Variants in PDCD6IP observed in about 807,000 individuals in gnomAD.
PDCD6IP encodes programmed cell death 6 interacting protein.
A neutral mutation model predicts 103.7 loss-of-function variants in PDCD6IP; 43 were observed. The observed-to-expected ratio is 0.41, with a 90% confidence interval of 0.32 to 0.53. The LOEUF (loss-of-function observed/expected upper bound fraction) is 0.53, where lower values mean the gene tolerates loss of function less well. Ranked by LOEUF, PDCD6IP falls within the 20% of genes least tolerant of loss-of-function variation. The pLI, the probability that PDCD6IP is intolerant of heterozygous loss-of-function variation, is 0.16. For missense variants in PDCD6IP, 871 were observed against 1,036.7 expected (o/e 0.84, Z 2.20); for synonymous variants, 354 against 378.7 (o/e 0.93, Z 0.76).
intron 5 of PDCD6IP, 92 bp from the exon 6 acceptor site, chr3:33,826,388 G>A: frequency 3.9e-6 from 3 of 775,108 alleles, no homozygotes; most frequent in Non-Finnish European, 6.1e-6. Context: ...GTTTTCAGAT[G>A]CGTGTACAAA....
At position 33,863,823 on chromosome 3, in the gene PDCD6IP, G is replaced by C. The variant is rs1698004566; in HGVS notation, c.2121-183G>C. On this transcript the variant is annotated intron_variant, in intron 15 of 17. Transcript: ENST00000307296. ...ATTGTAGATCTAGTTTTAGTTTTTT[G>C]AGGGACCTCCATACTGTTTTCCATA... The C allele has an allele frequency of 2.3e-5, 13 of 559,226 alleles. No individual in the cohort carries two copies. In the South Asian group the frequency reaches 3.2e-4, roughly 14 times the overall value. 34.6% of individuals were successfully genotyped at this position (559,226 alleles called of 1,614,324 possible).
In PDCD6IP at chr3:33,826,609, T is replaced by G. The variant is rs530326913; in HGVS notation, c.717+29T>G. On this transcript the variant is annotated intron_variant, in intron 6 of 17. Coordinates refer to ENST00000307296, the MANE Select transcript of PDCD6IP (RefSeq NM_013374.6). The stretch of plus-strand genomic sequence containing the variant: ...AGTTATTGTTTTTATAAACACTTGC[T>G]TACTTTGCATGTGAAATATTTAGAC... 8 of 1,609,044 alleles carry G rather than the reference T, an allele frequency of 5.0e-6. No homozygotes were observed. The Admixed American group carries it at 1.3e-4, about 27-fold the overall frequency.
At chr3:33,848,537 T>C (rs1697645801) in intron 12 of PDCD6IP, among the ~76,000 whole-genome samples, 1 of 152,076 alleles carries the variant, frequency 6.6e-6, no homozygotes, top group Non-Finnish European at 1.5e-5. Flanking sequence ...CCCGAGTAGC[T>C]GGGACTACAG....
chr3:33,803,565 A>G (rs1406988429), intron 1 of PDCD6IP, among the ~76,000 whole-genome samples: 5 of 152,174 alleles, frequency 3.3e-5, no homozygotes, highest in South Asian at 2.1e-4. Flanking sequence ...AAATCTTCCA[A>G]TCTGTTTCTT....
At chr3:33,827,867 A>G (rs1432446430) in intron 6 of PDCD6IP, 4 of 152,150 alleles carry the variant, frequency 2.6e-5, no homozygotes, top group Admixed American at 2.6e-4. Context: ...CTCATAAGGT[A>G]TTTTCATATT....
chr3:33,823,867 T>C (rs956622541), intron 4 of PDCD6IP, among the ~76,000 whole-genome samples: 5 of 152,174 alleles, frequency 3.3e-5, no homozygotes, highest in African/African-American at 9.7e-5. Flanking sequence ...TTAGTTAGTA[T>C]ATGAGATTTT....
At chr3:33,829,061 T>C in intron 7 of PDCD6IP, 92 bp downstream of exon 7, 1 of 977,116 alleles carries the variant, frequency 1.0e-6, no homozygotes, top group Non-Finnish European at 1.5e-6. Context: ...TAAAAACCTT[T>C]CCCGTTCATC....
chr3:33,835,989 GAAATA>G (rs909225964), intron 7 of PDCD6IP, 50 bp from the exon 8 acceptor site: 1 of 1,004,118 alleles, frequency 1.0e-6, no homozygotes, highest in Non-Finnish European at 1.5e-6. Context: ...TGGGGAAAGA[GAAATA>G]AAATCACCTC....
chr3:33,863,868 A>G, intron 15 of PDCD6IP, 138 bp from the exon 16 acceptor site: 3 of 650,078 alleles, frequency 4.6e-6, no homozygotes, highest in Non-Finnish European at 5.4e-6. Context: ...CTAATTTGAA[A>G]TGTAGTATAT....
intron 3 of PDCD6IP, among the ~76,000 whole-genome samples, chr3:33,821,406 C>G (rs1489639681): frequency 1.3e-5 from 2 of 151,958 alleles, no homozygotes; most frequent in Non-Finnish European, 2.9e-5. Context: ...AGGAGCTATC[C>G]TAAGTGGATG....
intron 15 of PDCD6IP, among the ~76,000 whole-genome samples, chr3:33,858,831 CAA>C (rs1026377151): frequency 1.3e-5 from 2 of 151,876 alleles, no homozygotes; most frequent in African/African-American, 2.4e-5. Context: ...CAAAACAAAA[CAA>C]AAGAAATAAA....
intron 15 of PDCD6IP, among the ~76,000 whole-genome samples, chr3:33,861,995 T>C (rs940906416): frequency 2.6e-5 from 4 of 152,180 alleles, no homozygotes; most frequent in African/African-American, 9.6e-5. Context: ...TTTTACATTA[T>C]TGATTTTATT....
At chr3:33,839,317 A>G (rs567824670) in intron 9 of PDCD6IP, among the ~76,000 whole-genome samples, 2 of 152,324 alleles carry the variant, frequency 1.3e-5, no homozygotes, top group African/African-American at 4.8e-5. Context: ...TAGCATATGC[A>G]TATACAGTAC....
At chr3:33,856,158 A>G (rs1298243457) in intron 15 of PDCD6IP, among the ~76,000 whole-genome samples, 1 of 152,228 alleles carries the variant, frequency 6.6e-6, no homozygotes, top group African/African-American at 2.4e-5. Context: ...CTGAGGTGGA[A>G]CAGTTTCATC....
At chr3:33,834,906 C>CT (rs907303105) in intron 7 of PDCD6IP, among the ~76,000 whole-genome samples, 11 of 151,860 alleles carry the variant, frequency 7.2e-5, no homozygotes, top group Non-Finnish European at 1.5e-4. Context: ...TAATCTTACA[C>CT]TTTTTTTTAA....
At chr3:33,860,169 A>C (rs920377133) in intron 15 of PDCD6IP, among the ~76,000 whole-genome samples, 1 of 152,246 alleles carries the variant, frequency 6.6e-6, no homozygotes, top group Non-Finnish European at 1.5e-5. Context: ...GAATATCGTC[A>C]TTTAAAATAT....
chr3:33,851,637 A>G (rs76522666), intron 12 of PDCD6IP, among the ~76,000 whole-genome samples: 3 of 150,518 alleles, frequency 2.0e-5, no homozygotes, highest in African/African-American at 7.4e-5. Context: ...GCACCCAACT[A>G]ATTTTTTTTT....
At chr3:33,844,244 C>T in intron 11 of PDCD6IP, 21 bp downstream of exon 11, 2 of 1,300,156 alleles carry the variant, frequency 1.5e-6, no homozygotes, top group Non-Finnish European at 2.1e-6. Flanking sequence ...GTATAAATGA[C>T]CTTCATTTGA....
chr3:33,864,737 T>TA (rs1285018323), intron 16 of PDCD6IP, among the ~76,000 whole-genome samples: 1 of 152,212 alleles, frequency 6.6e-6, no homozygotes, highest in African/African-American at 2.4e-5. Context: ...CTGAAGTCTT[T>TA]AGGGCTAGTG....
Sources: gnomAD v4.1 joint callset for allele counts (sites outside exome capture counted in the v4.1 genomes callset) on GRCh38, gnomAD v4.1.1 for gene constraint, MANE v1.5 for transcripts, NCBI Gene and HGNC (gene_info 2026-07-23, HGNC 2026-07-21) for gene names.